TMPRSS9: variants seen among roughly 807,000 people sequenced by gnomAD.
TMPRSS9 encodes the protein transmembrane protease serine 9.
Under a neutral mutation model 111.4 loss-of-function variants are expected in TMPRSS9, and 113 were observed. The observed-to-expected ratio is 1.01, with a 90% CI of 0.87 to 1.19. The LOEUF is 1.19. Ranked by LOEUF, TMPRSS9 falls within the 50% of genes most tolerant of loss-of-function variation. The pLI, the probability that TMPRSS9 is intolerant of heterozygous loss-of-function variation, is 0.00. For missense variants in TMPRSS9, 1,803 were observed against 1,513.1 expected, an observed-to-expected ratio of 1.19 and a Z score of -3.18; for synonymous variants, 805 against 659.1, an observed-to-expected ratio of 1.22 and a Z score of -3.39.
At chr19:2,425,847 C>A in intron 17 of TMPRSS9, 80 bp from the exon 19 acceptor site, 1 of 1,496,640 alleles carries the variant, frequency 6.7e-7, no homozygotes, top group Non-Finnish European at 8.9e-7. Context: ...ACTAGGGTCA[C>A]TCCTAGAGGG....
At chr19:2,369,419 A>C (rs1970272438) in intron 1 of TMPRSS9, among the ~76,000 whole-genome samples, 1 of 149,288 alleles carries the variant, frequency 6.7e-6, no homozygotes. Flanking sequence ...TAATGATTGT[A>C]TTAGCTTTTG....
chr19:2,367,216 A>G (rs1480154409), intron 1 of TMPRSS9, among the ~76,000 whole-genome samples: 1 of 152,144 alleles, frequency 6.6e-6, no homozygotes, highest in Non-Finnish European at 1.5e-5. Context: ...ATAGCAAATA[A>G]TTTTTGGAGA....
At chr19:2,368,316 T>C in intron 1 of TMPRSS9, among the ~76,000 whole-genome samples, 1 of 150,224 alleles carries the variant, frequency 6.7e-6, no homozygotes, top group South Asian at 2.1e-4. Flanking sequence ...TTTGCAAAAT[T>C]TGAGAGACCA....
At chr19:2,416,164 A>G (rs1280333797) in intron 11 of TMPRSS9, 2 of 411,510 alleles carry the variant, frequency 4.9e-6, no homozygotes, top group Non-Finnish European at 4.4e-6. Flanking sequence ...GCTTGAGCCC[A>G]GGAGGTCGAG....
rs1568169899 is a variant in TMPRSS9, at chr19:2,377,287, ATG to A, written c.-25-12472_-25-12471del. On this transcript the variant is annotated intron_variant, in intron 1 of 17. Coordinates refer to the TMPRSS9 transcript ENST00000649857. ...TATGTATGTATGTATGTATGTATGT[ATG>A]TATATATGTATGTATGTATGTATGT... 4.8e-3 allele frequency among the ~76,000 whole-genome samples: 571 copies of A among 117,800 alleles called. 4 individuals are homozygous for A. The highest frequency in any genetic ancestry group is 0.026 in the African/African-American group (507 of 19,312). The allele number at this position is 117,800 out of a possible 152,430, so 77.3% of individuals were successfully genotyped here. A position where few individuals can be genotyped will look rare whatever the true frequency, so the allele number is the denominator to read the frequency against.
At chr19:2,368,774 G>GTTTTTCTTTTTT (rs1970266048) in intron 1 of TMPRSS9, among the ~76,000 whole-genome samples, 1 of 70,366 alleles carries the variant, frequency 1.4e-5, no homozygotes, top group African/African-American at 6.0e-5. Context: ...GATAAACCCA[G>GTTTTTCTTTTTT]TTTTTTTTTT....
chr19:2,385,961 T>C (rs1021145389), upstream of TMPRSS9, among the ~76,000 whole-genome samples: 8 of 152,086 alleles, frequency 5.3e-5, no homozygotes, highest in African/African-American at 1.9e-4. Flanking sequence ...TTATTATTAC[T>C]AGAGACTGGG....
At chr19:2,425,746 C>G in intron 17 of TMPRSS9, 181 bp from the exon 19 acceptor site, 1 of 1,156,514 alleles carries the variant, frequency 8.6e-7, no homozygotes, top group Non-Finnish European at 1.2e-6. Context: ...CGTTCCACTC[C>G]GGGACCACGT....
exon 15 of TMPRSS9, chr19:2,424,115 A>T: frequency 7.3e-7 from 1 of 1,362,436 alleles, no homozygotes; most frequent in Non-Finnish European, 9.5e-7. Context: ...GGCCGCGCTC[A>T]CCAGGATTGT....
In TMPRSS9 at chr19:2,363,778, C is replaced by CTGTGTG. The variant is rs1491346219; in HGVS notation, c.-26+3419_-26+3420insGTGTGT. On this transcript the variant is annotated intron_variant, in intron 1 of 17. Coordinates refer to the TMPRSS9 transcript ENST00000649857. ...GGAGGAGTCACTAGAATTCCAAGAA[C>CTGTGTG]TCTGTGTGTGAGTGTGTGTGTGTGT... Among the ~76,000 whole-genome samples, 575 of 118,846 alleles carry CTGTGTG rather than the reference C, an allele frequency of 4.8e-3. 11 individuals are homozygous for CTGTGTG. The highest frequency in any genetic ancestry group is 0.012 in the Middle Eastern group (3 of 254). The allele number at this position is 118,846 out of a possible 152,430, so 78.0% of individuals were successfully genotyped here.
intron 1 of TMPRSS9, among the ~76,000 whole-genome samples, chr19:2,376,818 A>G (rs1454225763): frequency 2.0e-5 from 3 of 152,126 alleles, no homozygotes; most frequent in Non-Finnish European, 4.4e-5. Context: ...CCAAGGAGTC[A>G]AGGCTCTTTC....
chr19:2,361,477 C>CACACTGGG (rs1442051868), intron 1 of TMPRSS9, among the ~76,000 whole-genome samples: 2 of 151,948 alleles, frequency 1.3e-5, no homozygotes, highest in Admixed American at 1.3e-4. Context: ...TGAGTAAACA[C>CACACTGGG]ACACTGGGAT....
intron 17 of TMPRSS9, 146 bp downstream of exon 18, chr19:2,425,639 G>C: frequency 7.3e-7 from 1 of 1,365,452 alleles, no homozygotes; most frequent in East Asian, 2.9e-5. Context: ...TTTGGCTCTG[G>C]AGGAATTTCC....
upstream of TMPRSS9, among the ~76,000 whole-genome samples, chr19:2,386,560 C>A (rs886193787): frequency 4.6e-5 from 7 of 151,962 alleles, no homozygotes; most frequent in Admixed American, 6.6e-5. Flanking sequence ...GCCACTGCAC[C>A]CAGCCAGGAT....
chr19:2,414,173 C>G (rs186427367), intron 10 of TMPRSS9, 155 bp downstream of exon 11: 2 of 751,170 alleles, frequency 2.7e-6, no homozygotes, highest in Non-Finnish European at 2.1e-6. Context: ...TTGCGTGTAC[C>G]CTCATGGTAT....
At chr19:2,414,376 A>G (rs1971171530) in intron 10 of TMPRSS9, among the ~76,000 whole-genome samples, 1 of 151,740 alleles carries the variant, frequency 6.6e-6, no homozygotes, top group Non-Finnish European at 1.5e-5. Flanking sequence ...AACAGCCGGG[A>G]TTACAGGCAC....
At chr19:2,380,053 G>A (rs1970374700) in intron 1 of TMPRSS9, among the ~76,000 whole-genome samples, 1 of 152,000 alleles carries the variant, frequency 6.6e-6, no homozygotes, top group African/African-American at 2.4e-5. Flanking sequence ...CACCTGGCTG[G>A]TTGTAATTAA....
In TMPRSS9 at chr19:2,425,342, C is replaced by G. The variant is rs1971591387; in HGVS notation, c.2984-15C>G. The G allele has an allele frequency of 2.1e-6, 3 of 1,463,068 alleles. No individual in the cohort carries two copies. Among genetic ancestry groups the G allele is most frequent in the East Asian group, 3.0e-5 (1 of 32,952 alleles). The allele number at this position is 1,463,068 out of a possible 1,614,324, so 90.6% of individuals were successfully genotyped here. On this transcript the variant is annotated splice_polypyrimidine_tract_variant and intron_variant, in intron 16 of 17. Coordinates refer to ENST00000648592, the Ensembl canonical transcript of TMPRSS9. ...CGCGGTCCCCACCCGCCCCGTCTCGCTCGCCCGCCCGCAGGCTCCATGGCG... is the reference window on the plus strand; with the variant it reads ...CGCGGTCCCCACCCGCCCCGTCTCGGTCGCCCGCCCGCAGGCTCCATGGCG...
rs750825418 is a variant in TMPRSS9 at position 2,405,449 on chromosome 19, C to T, written c.746C>T (p.Pro249Leu). Reference sequence around the variant, plus strand: ...ATGGAAGCATCCCCGGGGGAGTTTCCGTGGCAAGCCAGCCTTCGAGAGAAC... The same window carrying T: ...ATGGAAGCATCCCCGGGGGAGTTTCTGTGGCAAGCCAGCCTTCGAGAGAAC... Residue 249 changes from proline (P) to leucine (L), a missense_variant, in exon 7 of 18, where the codon CCG (proline) becomes CTG (leucine). Coordinates refer to ENST00000648592, the Ensembl canonical transcript of TMPRSS9. 39 of 1,607,396 alleles carry T rather than the reference C, an allele frequency of 2.4e-5. No individual in the cohort carries two copies. Among genetic ancestry groups the T allele is most frequent in the South Asian group, 1.4e-4 (13 of 90,174 alleles).
Sources: gnomAD v4.1 joint callset for allele counts (sites outside exome capture counted in the v4.1 genomes callset) on GRCh38, gnomAD v4.1.1 for gene constraint, MANE v1.5 for transcripts, NCBI Gene and HGNC (gene_info 2026-07-23, HGNC 2026-07-21) for gene names.